The following TIA1 variants were observed in gnomAD, a reference collection of about 807,000 sequenced individuals.
TIA1 encodes TIA1 cytotoxic granule associated RNA binding protein.
Under a neutral mutation model 65.9 loss-of-function variants are expected in TIA1, and 23 were observed. That is an observed-to-expected ratio of 0.35 (90% CI 0.25 to 0.49). The LOEUF (loss-of-function observed/expected upper bound fraction) is 0.49, where lower values mean the gene tolerates loss of function less well. TIA1 is among the 20% of genes least tolerant of loss of function. The pLI is 0.98. For missense variants in TIA1, 371 were observed against 477.9 expected (o/e 0.78, Z 2.09); for synonymous variants, 147 against 149.4 (o/e 0.98, Z 0.12).
In TIA1 at chr2:70,212,841, TCTGA is replaced by T; in HGVS notation, c.1035_1038del (p.Asn345LysfsTer43). On this transcript the variant is annotated frameshift_variant and splice_region_variant, in exon 13 of 13. Coordinates refer to ENST00000433529, the MANE Select transcript of TIA1 (RefSeq NM_022173.4). LOFTEE classifies it high-confidence loss of function. ...CCCATCCATGGTGCAGAAGACTGTGTCTGACTGGTGGAGAATGTGAAAGAAGCAG... is the reference window on the plus strand; with the variant it reads ...CCCATCCATGGTGCAGAAGACTGTGTCTGGTGGAGAATGTGAAAGAAGCAG... The T allele has an allele frequency of 6.2e-7, 1 of 1,612,546 alleles. No individual in the cohort carries two copies. Among genetic ancestry groups the T allele is most frequent in the Non-Finnish European group, 8.5e-7 (1 of 1,178,608 alleles).
At position 70,215,365 on chromosome 2, in the gene TIA1, T is replaced by A; in HGVS notation, c.888+6A>T. The A allele has an allele frequency of 6.2e-7, 1 of 1,613,650 alleles. No individual in the cohort carries two copies. The highest frequency in any genetic ancestry group is 8.5e-7 in the Non-Finnish European group (1 of 1,179,886). ...AATTACTTCTCAAAGTTAAGAACCC[T>A]CTCACCTGTTGCACGGGATTTATCA... On this transcript the variant is annotated splice_donor_region_variant and intron_variant, in intron 11 of 12. Transcript: ENST00000433529.
intron 7 of TIA1, among the ~76,000 whole-genome samples, chr2:70,219,232 G>A (rs192410544): frequency 6.6e-6 from 1 of 151,334 alleles, no homozygotes; most frequent in East Asian, 2.0e-4. Flanking sequence ...ACTAGCTAAG[G>A]TGACTAGGGA....
intron 1 of TIA1, among the ~76,000 whole-genome samples, chr2:70,240,675 C>A (rs1373940747): frequency 1.3e-5 from 2 of 152,100 alleles, no homozygotes; most frequent in Non-Finnish European, 2.9e-5. Context: ...TAGAGACCAG[C>A]CTGGCCAACA....
intron 7 of TIA1, among the ~76,000 whole-genome samples, chr2:70,220,727 G>GA (rs1421018771): frequency 3.3e-5 from 5 of 151,486 alleles, no homozygotes; most frequent in Non-Finnish European, 2.9e-5. Context: ...CAAAAAAGTG[G>GA]AAAAAAAACA....
rs558503984 is a variant in TIA1, at chr2:70,228,552, G to A, written c.310+507C>T. ...GGAGAGAAATAACCAACCCATATCT[G>A]AAGTTTTTAAAAAAGACAATTATCA... On this transcript the variant is annotated intron_variant, in intron 5 of 12. Transcript: ENST00000433529. The A allele has an allele frequency of 4.5e-6, 5 of 1,100,894 alleles. No homozygotes were observed. The South Asian group carries it at 1.1e-4, about 24-fold the overall frequency. The allele number at this position is 1,100,894 out of a possible 1,614,324, so 68.2% of individuals were successfully genotyped here.
intron 11 of TIA1, 37 bp from the exon 12 acceptor site, chr2:70,214,531 A>G (rs1332717570): frequency 1.3e-6 from 2 of 1,527,690 alleles, no homozygotes; most frequent in South Asian, 2.5e-5. Flanking sequence ...GAAGTTAACT[A>G]TATATATACA....
intron 2 of TIA1, among the ~76,000 whole-genome samples, chr2:70,234,800 T>G (rs1347793141): frequency 6.6e-6 from 1 of 152,068 alleles, no homozygotes; most frequent in Non-Finnish European, 1.5e-5. Flanking sequence ...GACCTCATGA[T>G]CTGCCTGCCT....
intron 1 of TIA1, among the ~76,000 whole-genome samples, chr2:70,241,849 T>C (rs868613556): frequency 6.6e-6 from 1 of 150,510 alleles, no homozygotes; most frequent in African/African-American, 2.5e-5. Flanking sequence ...GAAGCTGAAG[T>C]GAACAATGAT....
Position 70,215,396 on chromosome 2 carries a change from A to G in TIA1, c.863T>C (p.Leu288Pro), listed in dbSNP as rs1678141237. The G allele has an allele frequency of 1.9e-6, 3 of 1,614,116 alleles. No homozygotes were observed. Among genetic ancestry groups the G allele is most frequent in the Non-Finnish European group, 2.5e-6 (3 of 1,180,004 alleles). ...VVKCYWGKET[L>P]DMINPVQQQN... ...CTGTTGCACGGGATTTATCATATCA[A>G]GAGTTTCTTTGCCCCAATAGCATTT... The change falls in exon 11 of 13, where the codon CTT becomes CCT. Residue 288 changes from leucine (L) to proline (P), a missense_variant. Leu to Pro is a moderately conservative substitution (Grantham distance 98, BLOSUM62 -3). Coordinates refer to ENST00000433529, the MANE Select transcript of TIA1 (RefSeq NM_022173.4).
chr2:70,233,823 G>A (rs1687615001), intron 2 of TIA1, among the ~76,000 whole-genome samples: 2 of 151,702 alleles, frequency 1.3e-5, no homozygotes, highest in Admixed American at 1.3e-4. Flanking sequence ...AAAAGAATAT[G>A]CTTTACTTAA....
At chr2:70,217,108 T>C in intron 7 of TIA1, 114 bp from the exon 8 acceptor site, 1 of 1,010,540 alleles carries the variant, frequency 9.9e-7, no homozygotes, top group Non-Finnish European at 1.4e-6. Flanking sequence ...GAAAATGCTC[T>C]ATGAAATACA....
At chr2:70,219,078 G>A (rs1355569804) in intron 7 of TIA1, among the ~76,000 whole-genome samples, 6 of 152,190 alleles carry the variant, frequency 3.9e-5, no homozygotes, top group African/African-American at 1.4e-4. Flanking sequence ...ATGCCTGTGA[G>A]ACATATAAAT....
Position 70,212,428 on chromosome 2 carries a change from T to C in TIA1, c.*291A>G. The C allele has an allele frequency of 3.7e-6, 1 of 272,984 alleles. No individual in the cohort carries two copies. The highest frequency in any genetic ancestry group is 7.3e-6 in the Non-Finnish European group (1 of 137,238). The allele number at this position is 272,984 out of a possible 1,614,324, so 16.9% of individuals were successfully genotyped here. A position where few individuals can be genotyped will look rare whatever the true frequency, so the allele number is the denominator to read the frequency against. ...GTTCAATATTGTGCAATTTTCTGCC[T>C]CTTAATAGTTAAAAAGTGGCAGCAA... On this transcript the variant is annotated 3_prime_UTR_variant, in exon 13 of 13. Transcript: ENST00000433529.
intron 1 of TIA1, among the ~76,000 whole-genome samples, chr2:70,242,968 T>A (rs72902493): frequency 6.6e-6 from 1 of 152,162 alleles, no homozygotes; most frequent in Non-Finnish European, 1.5e-5. Context: ...GCCTGGAACA[T>A]TGCAATATCA....
chr2:70,232,271 T>C (rs1173615547), intron 2 of TIA1, among the ~76,000 whole-genome samples: 2 of 149,042 alleles, frequency 1.3e-5, no homozygotes, highest in African/African-American at 4.9e-5. Flanking sequence ...CCAGGCATGA[T>C]GGCTCACACC....
chr2:70,212,804 C>A lies in TIA1; in HGVS notation c.1076G>T (p.Gly359Val). The change falls in exon 13 of 13, where the codon GGA becomes GTA. Residue 359 changes from glycine (G) to valine (V), a missense_variant. Transcript: ENST00000433529. ...ATTTTGCCCTTGAGGCGGTTGCACT[C>A]CATAATTTGGTCCCATCCATGGTGC... is the stretch of plus-strand genomic sequence containing the variant. The part of the protein sequence containing the change: ...SSAPWMGPNY[G>V]VQPPQGQNGS... 6.2e-7 allele frequency: 1 copy of A among 1,614,052 alleles called. No individual in the cohort carries two copies. Among genetic ancestry groups the A allele is most frequent in the Non-Finnish European group, 8.5e-7 (1 of 1,179,980 alleles).
At chr2:70,239,439 T>C (rs1690696921) in intron 1 of TIA1, among the ~76,000 whole-genome samples, 1 of 152,086 alleles carries the variant, frequency 6.6e-6, no homozygotes. Flanking sequence ...TGAGATGAGA[T>C]TACCTCTAGT....
intron 2 of TIA1, among the ~76,000 whole-genome samples, chr2:70,233,529 G>A (rs1687445039): frequency 6.6e-6 from 1 of 152,160 alleles, no homozygotes; most frequent in African/African-American, 2.4e-5. Context: ...AGCACTTTGG[G>A]AAGCTGGGGT....
intron 3 of TIA1, 51 bp downstream of exon 3, chr2:70,230,705 T>A: frequency 7.5e-7 from 1 of 1,334,622 alleles, no homozygotes; most frequent in Non-Finnish European, 1.0e-6. Flanking sequence ...AAATCATATA[T>A]AACTTAAATT....
Sources: gnomAD v4.1 joint callset for allele counts (sites outside exome capture counted in the v4.1 genomes callset) on GRCh38, gnomAD v4.1.1 for gene constraint, MANE v1.5 for transcripts, NCBI Gene and HGNC (gene_info 2026-07-23, HGNC 2026-07-21) for gene names.